GFAP: variants seen among roughly 807,000 people sequenced by gnomAD.
GFAP encodes the protein intermediate filament protein.
GFAP carries 38 observed loss-of-function variants against 49.3 expected under a neutral mutation model. That is an observed-to-expected ratio of 0.77 (90% confidence interval 0.60 to 1.01). The LOEUF (loss-of-function observed/expected upper bound fraction) is 1.01, where lower values mean the gene tolerates loss of function less well. Among genes scored for constraint, GFAP ranks in the 50% least tolerant of loss-of-function variants. The pLI is 0.00. For synonymous variants in GFAP, 222 were observed against 236.4 expected (o/e 0.94, Z 0.56); for missense variants, 463 against 579.1 (o/e 0.80, Z 2.06).
At chr17:44,911,836 T>C (rs1238642173) in intron 4 of GFAP, 39 bp from the exon 5 acceptor site, 1 of 1,595,930 alleles carries the variant, frequency 6.3e-7, no homozygotes. Context: ...TGTGGGCCCA[T>C]GGGCAGGCAC....
chr17:44,908,929 G>T (rs866736580), intron 7 of GFAP: 45 of 150,560 alleles, frequency 3.0e-4, no homozygotes, highest in African/African-American at 1.1e-3. Flanking sequence ...AAGGAAGAAA[G>T]AAAGAAAGAA....
At position 44,906,253 on chromosome 17, in the gene GFAP, C is replaced by T. The variant is rs2051651055; in HGVS notation, c.*1094G>A. 1 of 152,352 alleles carries T rather than the reference C, an allele frequency of 6.6e-6. No individual in the cohort carries two copies. The highest frequency in any genetic ancestry group is 1.5e-5 in the Non-Finnish European group (1 of 68,152). The allele number at this position is 152,352 out of a possible 1,614,324, so 9.4% of individuals were successfully genotyped here. A position where few individuals can be genotyped will look rare whatever the true frequency, so the allele number is the denominator to read the frequency against. ...GATACATCCCCTTTCTCTCCTGTTT[C>T]AGCATCTTCAAGAGGATGAGTCACT... On this transcript the variant is annotated 3_prime_UTR_variant, in exon 9 of 9. Coordinates refer to ENST00000588735, the MANE Select transcript of GFAP (RefSeq NM_002055.5).
intron 1 of GFAP, 188 bp downstream of exon 1, chr17:44,914,838 C>T (rs2145641096): frequency 3.3e-6 from 2 of 610,682 alleles, no homozygotes; most frequent in East Asian, 2.8e-5. Flanking sequence ...GGCATCAGAT[C>T]CCCGGGGCCC....
At chr17:44,907,885 G>T (rs1199027734) in intron 8 of GFAP, 179 bp downstream of exon 8, 4 of 716,140 alleles carry the variant, frequency 5.6e-6, no homozygotes, top group Non-Finnish European at 7.7e-6. Flanking sequence ...AACAGCCTAT[G>T]GAGGGACTGA....
At position 44,904,170 on chromosome 17, in the gene GFAP, G is replaced by A; in HGVS notation, c.*3177C>T. On this transcript the variant is annotated 3_prime_UTR_variant, in exon 9 of 9. Transcript: ENST00000588735. ...CGCATGTTCAGCTTGTTGGTTTTCA[G>A]GGCTCAGTCTGAGGACTCAGGCCTG... The A allele has an allele frequency of 6.5e-7, 1 of 1,550,372 alleles. No individual in the cohort carries two copies. Among genetic ancestry groups the A allele is most frequent in the Non-Finnish European group, 8.7e-7 (1 of 1,146,822 alleles).
rs756932270 is a variant in GFAP at position 44,913,741 on chromosome 17, T to G, written c.605A>C (p.Lys202Thr). ...CCCTGGCCTCACCTCCTCGTGGATC[T>G]TCCTCAAGAACCGGATCTCCTCCTC... The part of the protein sequence containing the change: ...SLEEEIRFLR[K>T]IHEEEVRELQ... The change falls in exon 3 of 9, where the codon AAG becomes ACG. Residue 202 changes from lysine to threonine, a missense_variant. Lys to Thr is a moderately conservative substitution (Grantham distance 78). This residue lies in a region of GFAP where 362 missense variants were observed against 445.5 expected (regional missense o/e 0.81). Coordinates refer to ENST00000588735, the MANE Select transcript of GFAP (RefSeq NM_002055.5). 2.5e-6 allele frequency: 4 copies of G among 1,613,284 alleles called. No individual in the cohort carries two copies. In the Admixed American group the frequency reaches 6.7e-5, roughly 27 times the overall value.
At chr17:44,907,645 C>T (rs191848545) in intron 8 of GFAP, 185 of 590,546 alleles carry the variant, frequency 3.1e-4, no homozygotes, top group African/African-American at 3.0e-3. Flanking sequence ...AGTGGCGTGG[C>T]GGATACGCCA....
chr17:44,904,948 G>A lies in GFAP; in HGVS notation c.*2399C>T. ...ACCCAGCCTCGTTCTCAGATCCTGA[G>A]ACTCGCTCGGCTGTGGAGCTCACCC... On this transcript the variant is annotated 3_prime_UTR_variant, in exon 9 of 9. Coordinates refer to ENST00000588735, the MANE Select transcript of GFAP (RefSeq NM_002055.5). The A allele has an allele frequency of 6.4e-7, 1 of 1,550,700 alleles. No homozygotes were observed. The highest frequency in any genetic ancestry group is 1.4e-5 in the African/African-American group (1 of 73,164).
Position 44,905,066 on chromosome 17 carries a change from C to T in GFAP, c.*2281G>A, listed in dbSNP as rs1007807913. ...ATTTCACTGTTGTCCCAGCTTCTCC[C>T]CCTAGGAGCTCTCTTCAGCTCTGAA... On this transcript the variant is annotated 3_prime_UTR_variant, in exon 9 of 9. Coordinates refer to ENST00000588735, the MANE Select transcript of GFAP (RefSeq NM_002055.5). 10 of 1,536,710 alleles carry T rather than the reference C, an allele frequency of 6.5e-6. No individual in the cohort carries two copies. Among genetic ancestry groups the T allele is most frequent in the Non-Finnish European group, 8.8e-6 (10 of 1,137,552 alleles).
intron 7 of GFAP, chr17:44,910,001 C>G: frequency 6.5e-7 from 1 of 1,541,920 alleles, no homozygotes; most frequent in Non-Finnish European, 8.7e-7. Flanking sequence ...CACTGCAGTT[C>G]CTGGGAAAAT....
intron 3 of GFAP, 145 bp downstream of exon 3, chr17:44,913,583 C>T (rs763382430): frequency 9.4e-7 from 1 of 1,068,534 alleles, no homozygotes; most frequent in South Asian, 1.3e-5. Flanking sequence ...TTCTGTTTGT[C>T]TTTCATTTCC....
rs1016546138 is a variant in GFAP, at chr17:44,905,295, G to A, written c.*2052C>T. ...GGGGACTGAGCTCAGGATGGAAGTA[G>A]GGCACATGTGTTTCCTGACTTCACA... On this transcript the variant is annotated 3_prime_UTR_variant, in exon 9 of 9. Coordinates refer to ENST00000588735, the MANE Select transcript of GFAP (RefSeq NM_002055.5). The A allele has an allele frequency of 8.9e-6, 5 of 559,978 alleles. No homozygotes were observed. Among genetic ancestry groups the A allele is most frequent in the African/African-American group, 1.9e-5 (1 of 52,894 alleles). 34.7% of individuals were successfully genotyped at this position (559,978 alleles called of 1,614,324 possible).
In GFAP at chr17:44,904,519, C is replaced by T; in HGVS notation, c.*2828G>A. On this transcript the variant is annotated 3_prime_UTR_variant, in exon 9 of 9. Coordinates refer to ENST00000588735, the MANE Select transcript of GFAP (RefSeq NM_002055.5). ...AGCTGCGGACCAAGGCCAGGGACCA[C>T]ACGCCTGAGGTGCTGGTTCGGAGCT... 6.5e-7 allele frequency: 1 copy of T among 1,550,244 alleles called. No homozygotes were observed. The highest frequency in any genetic ancestry group is 1.4e-5 in the African/African-American group (1 of 73,168).
rs1337629836 is a variant in GFAP at position 44,904,583 on chromosome 17, G to A, written c.*2764C>T. ...TGAGAAGACAAAGACCATCCGGGAG[G>A]GCGTGCTGGCCATCATTAACTATGT... On this transcript the variant is annotated 3_prime_UTR_variant, in exon 9 of 9. Transcript: ENST00000588735. 1.4e-5 allele frequency: 22 copies of A among 1,550,584 alleles called. No individual in the cohort carries two copies. The highest frequency in any genetic ancestry group is 6.1e-6 in the Non-Finnish European group (7 of 1,146,994).
At chr17:44,914,361 T>G in intron 1 of GFAP, 1 of 518,134 alleles carries the variant, frequency 1.9e-6, no homozygotes, top group African/African-American at 2.0e-5. Flanking sequence ...ATACACTCAC[T>G]GTTGCACACA....
Position 44,915,327 on chromosome 17 carries a change from G to A in GFAP, c.160C>T (p.Leu54=), listed in dbSNP as rs1597864689. ...AAGCCAGCATTGAGTGCCCCAGCCA[G>A]GGAGAAATCCACCCGGGTCGGGAGT... ...PPLPTRVDFS[L]AGALNAGFKE... is the part of the protein sequence containing the mutation. The change falls in exon 1 of 9, where the codon CTG becomes TTG. Residue 54 remains leucine (L), a synonymous_variant. Transcript: ENST00000588735. The surrounding 1 kb of genome is among the most constrained non-coding windows in gnomAD (Gnocchi z 4.1). 6.2e-7 allele frequency: 1 copy of A among 1,613,302 alleles called. No individual in the cohort carries two copies. Among genetic ancestry groups the A allele is most frequent in the Non-Finnish European group, 8.5e-7 (1 of 1,179,400 alleles).
chr17:44,903,922 C>T lies in GFAP; in HGVS notation c.*3425G>A, dbSNP rs1464114032. 2 of 1,550,632 alleles carry T rather than the reference C, an allele frequency of 1.3e-6. No individual in the cohort carries two copies. The highest frequency in any genetic ancestry group is 8.7e-7 in the Non-Finnish European group (1 of 1,147,002). ...AGGAAAACATTTTTCAGAGGACCCC[C>T]TGCCCTGCTTTCCTGATGTTTGAAA... On this transcript the variant is annotated 3_prime_UTR_variant, in exon 9 of 9. Transcript: ENST00000588735.
In GFAP at chr17:44,903,746, C is replaced by T. The variant is rs60238918; in HGVS notation, c.*3601G>A. 51,177 of 1,459,688 alleles carry T rather than the reference C, an allele frequency of 0.035. 1,963 individuals are homozygous for T. Among genetic ancestry groups the T allele is most frequent in the South Asian group, 0.15 (10,445 of 68,460 alleles). 90.4% of individuals were successfully genotyped at this position (1,459,688 alleles called of 1,614,324 possible). A position where few individuals can be genotyped will look rare whatever the true frequency, so the allele number is the denominator to read the frequency against. ...AATCCTTTCCTCATCTAGAGGCTTC[C>T]GCTTAGCAGAGCTTTCTAGGAGCCC... On this transcript the variant is annotated 3_prime_UTR_variant, in exon 9 of 9. Coordinates refer to ENST00000588735, the MANE Select transcript of GFAP (RefSeq NM_002055.5).
chr17:44,914,180 C>T (rs1695223305), intron 1 of GFAP, 92 bp from the exon 2 acceptor site: 1 of 853,294 alleles, frequency 1.2e-6, no homozygotes. Context: ...GTCACAGAGA[C>T]CACCCCCACC....
Sources: allele counts gnomAD v4.1 joint callset, GRCh38; gene constraint gnomAD v4.1.1; regional missense constraint gnomAD v4.1.1; non-coding constraint Gnocchi (gnomAD v3.1); transcripts MANE v1.5; gene names NCBI Gene and HGNC (gene_info 2026-07-23, HGNC 2026-07-21).